The following CAMKMT variants were observed in gnomAD, a reference collection of about 807,000 sequenced individuals.
CAMKMT encodes the protein calmodulin-lysine N-methyltransferase.
A neutral mutation model predicts 48.0 loss-of-function variants in CAMKMT; 53 were observed. The observed-to-expected ratio is 1.10, with a 90% confidence interval of 0.89 to 1.39. The LOEUF is 1.39. Among genes scored for constraint, CAMKMT ranks in the 40% most tolerant of loss-of-function variants. The pLI is 0.00. For missense variants in CAMKMT, 428 were observed against 402.7 expected, an observed-to-expected ratio of 1.06 and a Z score of -0.54; for synonymous variants, 165 against 152.3, an observed-to-expected ratio of 1.08 and a Z score of -0.61.
intron 7 of CAMKMT, among the ~76,000 whole-genome samples, chr2:44,738,485 A>G (rs1014843450): frequency 6.6e-6 from 1 of 152,234 alleles, no homozygotes; most frequent in African/African-American, 2.4e-5. Flanking sequence ...TCAAAGACCA[A>G]TTTAACAATA....
rs190351336 is a variant in CAMKMT at position 44,734,445 on chromosome 2, C to T, written c.624-9177C>T. On this transcript the variant is annotated intron_variant, in intron 7 of 10. Coordinates refer to ENST00000378494, the MANE Select transcript of CAMKMT (RefSeq NM_024766.5). ...TATTTTTATTTTTGAGACAGGTTCTCGCTGTGATGCCCAGGCTGGAGTGCA... is the reference window on the plus strand; with the variant it reads ...TATTTTTATTTTTGAGACAGGTTCTTGCTGTGATGCCCAGGCTGGAGTGCA... 5.9e-5 allele frequency among the ~76,000 whole-genome samples: 9 copies of T among 151,648 alleles called. 2 individuals carry two copies. The highest frequency in any genetic ancestry group is 1.9e-4 in the African/African-American group (8 of 41,312).
chr2:44,666,414 C>A (rs138195298), intron 3 of CAMKMT, among the ~76,000 whole-genome samples: 270 of 152,208 alleles, frequency 1.8e-3, no homozygotes, highest in African/African-American at 6.1e-3. Context: ...CCAGGACCCC[C>A]CCGAGCCCTT....
At chr2:44,532,286 A>G (rs575892654) in intron 3 of CAMKMT, among the ~76,000 whole-genome samples, 7 of 152,342 alleles carry the variant, frequency 4.6e-5, no homozygotes, top group African/African-American at 1.7e-4. Context: ...CACTATTACC[A>G]TATATGGATT....
intron 3 of CAMKMT, among the ~76,000 whole-genome samples, chr2:44,608,324 G>A (rs1174291157): frequency 2.6e-5 from 4 of 151,746 alleles, no homozygotes; most frequent in African/African-American, 7.3e-5. Flanking sequence ...AGCCCACCTC[G>A]GCCTCCCAAA....
At chr2:44,465,284 A>G (rs879486929) in intron 3 of CAMKMT, among the ~76,000 whole-genome samples, 4 of 152,114 alleles carry the variant, frequency 2.6e-5, no homozygotes, top group Non-Finnish European at 4.4e-5. Context: ...AGAACAGAAT[A>G]AAAACACATC....
chr2:44,627,150 G>C (rs955579773), intron 3 of CAMKMT, among the ~76,000 whole-genome samples: 4 of 151,912 alleles, frequency 2.6e-5, no homozygotes, highest in African/African-American at 7.3e-5. Context: ...CCTTTACTTT[G>C]TTAATGTGGT....
At chr2:44,538,908 C>G (rs1666928989) in intron 3 of CAMKMT, among the ~76,000 whole-genome samples, 1 of 150,106 alleles carries the variant, frequency 6.7e-6, no homozygotes, top group Non-Finnish European at 1.5e-5. Flanking sequence ...AATTGGTATA[C>G]CAATTATTTG....
intron 3 of CAMKMT, among the ~76,000 whole-genome samples, chr2:44,632,557 C>A (rs1453520289): frequency 6.6e-6 from 1 of 152,036 alleles, no homozygotes; most frequent in Admixed American, 6.6e-5. Flanking sequence ...AACTAAAATC[C>A]TACATATCTA....
chr2:44,741,207 TACAA>T (rs752188981), intron 7 of CAMKMT, among the ~76,000 whole-genome samples: 28 of 152,348 alleles, frequency 1.8e-4, no homozygotes, highest in East Asian at 7.7e-4. Context: ...ACAGATTAGA[TACAA>T]ACAAAGTCTG....
intron 3 of CAMKMT, among the ~76,000 whole-genome samples, chr2:44,570,558 G>C (rs1384746480): frequency 1.3e-5 from 2 of 152,148 alleles, no homozygotes; most frequent in African/African-American, 4.8e-5. Flanking sequence ...TGTGCCGTCA[G>C]AGCTAAATTA....
intron 3 of CAMKMT, among the ~76,000 whole-genome samples, chr2:44,455,843 T>TG (rs969109171): frequency 1.3e-5 from 2 of 152,204 alleles, no homozygotes; most frequent in African/African-American, 4.8e-5. Flanking sequence ...TCATTGTAGT[T>TG]GGAATGCTGT....
chr2:44,466,905 A>C (rs1162130776), intron 3 of CAMKMT, among the ~76,000 whole-genome samples: 1 of 152,234 alleles, frequency 6.6e-6, no homozygotes. Context: ...TTGATAACCT[A>C]GAAATGGATA....
chr2:44,518,159 A>C (rs1670926278), intron 3 of CAMKMT, among the ~76,000 whole-genome samples: 2 of 151,694 alleles, frequency 1.3e-5, no homozygotes, highest in Admixed American at 6.6e-5. Context: ...AAACAAAAAC[A>C]CTTTTTTTTT....
At chr2:44,463,554 C>T (rs940106859) in intron 3 of CAMKMT, among the ~76,000 whole-genome samples, 2 of 152,156 alleles carry the variant, frequency 1.3e-5, no homozygotes, top group Non-Finnish European at 2.9e-5. Context: ...GGGAGTTGGG[C>T]TGCCCAGAAT....
chr2:44,672,181 A>G (rs188833482), intron 3 of CAMKMT, among the ~76,000 whole-genome samples: 8 of 152,112 alleles, frequency 5.3e-5, no homozygotes, highest in Non-Finnish European at 1.2e-4. Context: ...TGTCCTTTTC[A>G]CCCTGATTAC....
intron 7 of CAMKMT, among the ~76,000 whole-genome samples, chr2:44,739,297 G>T (rs933132977): frequency 3.3e-5 from 5 of 152,206 alleles, no homozygotes; most frequent in African/African-American, 1.2e-4. Flanking sequence ...GAGCAGTAGA[G>T]ATAGAGAGAA....
In CAMKMT at chr2:44,664,128, C is replaced by T. The variant is rs576561503; in HGVS notation, c.377-40155C>T. ...TGGGTTATAGTTGTTTCATGATAAT[C>T]TGTTTATTAAAAGCAGCAGAGTGGA... On this transcript the variant is annotated intron_variant, in intron 3 of 10. Coordinates refer to ENST00000378494, the MANE Select transcript of CAMKMT (RefSeq NM_024766.5). Among the ~76,000 whole-genome samples the T allele has an allele frequency of 6.6e-5, 10 of 152,232 alleles. 1 individual carries two copies. Among genetic ancestry groups the T allele is most frequent in the African/African-American group, 2.4e-4 (10 of 41,548 alleles).
At chr2:44,642,782 C>T (rs965742853) in intron 3 of CAMKMT, among the ~76,000 whole-genome samples, 1 of 152,020 alleles carries the variant, frequency 6.6e-6, no homozygotes, top group African/African-American at 2.4e-5. Flanking sequence ...AGAAGTGACA[C>T]CCTGGGACCC....
chr2:44,765,798 A>G (rs1439106855), intron 9 of CAMKMT, among the ~76,000 whole-genome samples: 1 of 152,216 alleles, frequency 6.6e-6, no homozygotes, highest in African/African-American at 2.4e-5. Flanking sequence ...ACTATGAGGA[A>G]CTGCTTGGCT....
Sources: gnomAD v4.1 joint callset for allele counts (sites outside exome capture counted in the v4.1 genomes callset) on GRCh38, gnomAD v4.1.1 for gene constraint, MANE v1.5 for transcripts, NCBI Gene and HGNC (gene_info 2026-07-23, HGNC 2026-07-21) for gene names.